Variants in F8 observed in about 807,000 individuals in gnomAD.
F8 encodes the protein coagulation factor VIII, also known as antihemophilic factor.
A neutral mutation model predicts 140.6 loss-of-function variants in F8; 12 were observed. The observed-to-expected ratio is 0.09, with a 90% confidence interval of 0.05 to 0.14. The LOEUF (loss-of-function observed/expected upper bound fraction) is 0.14. F8 is among the 10% of genes least tolerant of loss of function. F8 has a pLI of 1.00. For synonymous variants in F8, 585 were observed against 614.6 expected (o/e 0.95, Z 0.71); for missense variants, 1,354 against 1,720.7 (o/e 0.79, Z 3.77).
chrX:154,873,734 C>T lies in F8; in HGVS notation c.6430-10507G>A, dbSNP rs782688074. 1.5e-4 allele frequency among the ~76,000 whole-genome samples: 17 copies of T among 111,914 alleles called. No individual in the cohort carries two copies. The South Asian group carries it at 6.0e-3, about 39-fold the overall frequency. ...TTTTGACAAGGGTGCCAAGAACACA[C>T]AACGGGGAAAAGAGAGTCTCTTCAA... On this transcript the variant is annotated intron_variant, in intron 22 of 25. Transcript: ENST00000360256.
intron 14 of F8, chrX:154,909,034 G>T: frequency 4.4e-6 from 1 of 228,810 alleles, no homozygotes; most frequent in South Asian, 6.1e-5. Flanking sequence ...TGCTTCCGTT[G>T]GCGAGTCATT....
intron 22 of F8, among the ~76,000 whole-genome samples, chrX:154,871,780 A>T (rs1162009370): frequency 8.9e-6 from 1 of 112,088 alleles, no homozygotes; most frequent in Non-Finnish European, 1.9e-5. Context: ...ATGGGAGAAA[A>T]TTTTTGCAAT....
chrX:154,942,406 A>G (rs1293043250), intron 13 of F8, among the ~76,000 whole-genome samples: 1 of 109,865 alleles, frequency 9.1e-6, no homozygotes, highest in East Asian at 2.9e-4. Flanking sequence ...CAAATAAACT[A>G]GAAAATCTAG....
intron 1 of F8, 134 bp downstream of exon 1, chrX:155,022,276 C>T (rs2073763437): frequency 1.5e-6 from 1 of 659,263 alleles, no homozygotes; most frequent in African/African-American, 2.1e-5. Flanking sequence ...TGTGTGCACA[C>T]CTTACCCAGA....
At chrX:154,848,496 CT>C (rs1351371625) in intron 25 of F8, among the ~76,000 whole-genome samples, 1 of 112,667 alleles carries the variant, frequency 8.9e-6, no homozygotes, top group African/African-American at 3.2e-5. Context: ...GCGGGTGCCC[CT>C]CTCCCTGCCT....
intron 2 of F8, 40 bp downstream of exon 2, chrX:154,999,439 A>T: frequency 8.5e-7 from 1 of 1,181,913 alleles, no homozygotes; most frequent in Non-Finnish European, 1.1e-6. Flanking sequence ...AAAATAAGAT[A>T]CCCAATTTCA....
chrX:154,905,047 A>T (rs782484860), intron 15 of F8, 24 bp from the exon 16 acceptor site: 1 of 1,122,021 alleles, frequency 8.9e-7, no homozygotes, highest in Admixed American at 2.2e-5. Flanking sequence ...ACGACAAAAA[A>T]AAAAAAGCAA....
At chrX:154,900,478 C>T (rs2073003977) in intron 20 of F8, among the ~76,000 whole-genome samples, 1 of 112,000 alleles carries the variant, frequency 8.9e-6, no homozygotes, top group Non-Finnish European at 1.9e-5. Flanking sequence ...AGGTGATCTG[C>T]TTGCCTCAGC....
chrX:154,850,083 T>TTTTTTGTG (rs782376670), intron 25 of F8, among the ~76,000 whole-genome samples: 13 of 96,073 alleles, frequency 1.4e-4, no homozygotes, highest in African/African-American at 5.1e-4. Context: ...CAGGCTTGTT[T>TTTTTTGTG]TGTGTGTGTG....
chrX:154,898,599 A>G (rs1001576409), intron 21 of F8, among the ~76,000 whole-genome samples: 1 of 112,248 alleles, frequency 8.9e-6, no homozygotes, highest in Admixed American at 9.5e-5. Context: ...CTATGCTTCA[A>G]TTTCATTATC....
chrX:154,975,071 C>T (rs782246943), intron 6 of F8, among the ~76,000 whole-genome samples: 1 of 110,955 alleles, frequency 9.0e-6, no homozygotes, highest in South Asian at 3.7e-4. Flanking sequence ...TTTTTAGTTT[C>T]TATTTTGATT....
At chrX:154,987,717 C>T (rs967962223) in intron 4 of F8, among the ~76,000 whole-genome samples, 4 of 111,742 alleles carry the variant, frequency 3.6e-5, no homozygotes, top group Admixed American at 9.5e-5. Context: ...TATTAAACAT[C>T]TATACTCATG....
rs1185466045 is a variant in F8, at chrX:154,955,165, C to CTTTTTTTT, written c.1753-1131_1753-1124dup. Among the ~76,000 whole-genome samples, 7 of 36,077 alleles carry CTTTTTTTT rather than the reference C, an allele frequency of 1.9e-4. 1 individual carries two copies. Among genetic ancestry groups the CTTTTTTTT allele is most frequent in the African/African-American group, 4.7e-4 (4 of 8,458 alleles). 31.3% of individuals were successfully genotyped at this position (36,077 alleles called of 115,157 possible). A position where few individuals can be genotyped will look rare whatever the true frequency, so the allele number is the denominator to read the frequency against. ...GTTTTGCCCAAAAGTATTTATTAAG[C>CTTTTTTTT]TTTTTTTTTTTTTTTTTTTTTTTTT... On this transcript the variant is annotated intron_variant, in intron 11 of 25. Transcript: ENST00000360256.
At position 154,876,326 on chromosome X, in the gene F8, A is replaced by G. The variant is rs1012957730; in HGVS notation, c.6430-13099T>C. Among the ~76,000 whole-genome samples, 18 of 109,901 alleles carry G rather than the reference A, an allele frequency of 1.6e-4. No individual in the cohort carries two copies. The Admixed American group carries it at 1.7e-3, about 11-fold the overall frequency. On this transcript the variant is annotated intron_variant, in intron 22 of 25. Coordinates refer to ENST00000360256, the MANE Select transcript of F8 (RefSeq NM_000132.4). ...AGTAGAGACGGTGTTTCACCGTGTT[A>G]GCCAGGATGGTCTCAATCTCCTGAC...
intron 4 of F8, among the ~76,000 whole-genome samples, chrX:154,987,885 T>A (rs1442501862): frequency 6.2e-5 from 7 of 112,474 alleles, no homozygotes; most frequent in African/African-American, 1.3e-4. Context: ...ATATATTTTT[T>A]AAATTTGACT....
chrX:154,994,538 A>G (rs2073606637), intron 3 of F8, among the ~76,000 whole-genome samples: 1 of 112,333 alleles, frequency 8.9e-6, no homozygotes, highest in South Asian at 3.7e-4. Context: ...TCTGACACTC[A>G]TTTGGTGAAA....
At chrX:155,013,081 G>A (rs1222902542) in intron 1 of F8, among the ~76,000 whole-genome samples, 3 of 99,186 alleles carry the variant, frequency 3.0e-5, no homozygotes, top group African/African-American at 7.9e-5. Context: ...GGGAGGCGGA[G>A]CTTGCAGTGA....
intron 6 of F8, among the ~76,000 whole-genome samples, chrX:154,972,148 T>C (rs1341800627): frequency 4.4e-5 from 5 of 112,368 alleles, no homozygotes; most frequent in African/African-American, 1.6e-4. Context: ...ACCAACAGTG[T>C]ATAAGGGTTT....
At position 154,957,192 on chromosome X, in the gene F8, A is replaced by G. The variant is rs782252783; in HGVS notation, c.1538-21T>C. The G allele has an allele frequency of 5.4e-6, 6 of 1,111,305 alleles. No homozygotes were observed. The South Asian group carries it at 9.2e-5, about 17-fold the overall frequency. 91.6% of individuals were successfully genotyped at this position (1,111,305 alleles called of 1,213,427 possible). A position where few individuals can be genotyped will look rare whatever the true frequency, so the allele number is the denominator to read the frequency against. On this transcript the variant is annotated intron_variant, in intron 10 of 25. Transcript: ENST00000360256. ...TACACCTACCCACAAGCAAAACCAT[A>G]AATAGCTCAATTAGAGTACAACAAG... is the stretch of plus-strand genomic sequence containing the variant.
Sources: allele counts gnomAD v4.1 joint callset (sites outside exome capture counted in the v4.1 genomes callset), GRCh38; gene constraint gnomAD v4.1.1; transcripts MANE v1.5; gene names NCBI Gene and HGNC (gene_info 2026-07-23, HGNC 2026-07-21).